Variants in DGKI observed in about 807,000 individuals in gnomAD.
DGKI encodes the protein DAG kinase iota.
In DGKI, 55 loss-of-function variants were observed where a neutral mutation model predicts 147.5. That is an observed-to-expected ratio of 0.37 (90% confidence interval 0.30 to 0.47). The LOEUF is 0.47. Ranked by LOEUF, DGKI falls within the 20% of genes least tolerant of loss-of-function variation. The pLI is 1.00. For missense variants in DGKI, 1,007 were observed against 1,323.8 expected (o/e 0.76, Z 3.71); for synonymous variants, 469 against 477.1 (o/e 0.98, Z 0.22).
chr7:137,460,991 A>C (rs1382231538), intron 27 of DGKI, among the ~76,000 whole-genome samples: 2 of 152,192 alleles, frequency 1.3e-5, no homozygotes, highest in Non-Finnish European at 2.9e-5. Flanking sequence ...TCTTTTAAAG[A>C]AAAAAATGCT....
chr7:137,475,219 A>G (rs1281580746), intron 23 of DGKI, among the ~76,000 whole-genome samples: 1 of 152,306 alleles, frequency 6.6e-6, no homozygotes, highest in East Asian at 1.9e-4. Flanking sequence ...TTTGGAGAAA[A>G]CAAAGAAATA....
At chr7:137,395,446 A>C in intron 32 of DGKI, 152 bp downstream of exon 32, 1 of 648,308 alleles carries the variant, frequency 1.5e-6, no homozygotes, top group Non-Finnish European at 2.7e-6. Context: ...CAGTTTCTCT[A>C]AATGAAGCAC....
At chr7:137,617,091 G>A (rs1288126341) in intron 8 of DGKI, among the ~76,000 whole-genome samples, 1 of 116,344 alleles carries the variant, frequency 8.6e-6, no homozygotes, top group African/African-American at 3.3e-5. Context: ...CTCTTCCTGT[G>A]ATGGCAATGT....
intron 2 of DGKI, among the ~76,000 whole-genome samples, chr7:137,687,155 C>T (rs1442011599): frequency 6.6e-6 from 1 of 152,134 alleles, no homozygotes; most frequent in Non-Finnish European, 1.5e-5. Flanking sequence ...CTCGTCGTCC[C>T]TGCTGGACCC....
At chr7:137,835,784 A>G (rs1010509469) in intron 1 of DGKI, among the ~76,000 whole-genome samples, 3 of 152,230 alleles carry the variant, frequency 2.0e-5, no homozygotes, top group African/African-American at 7.2e-5. Flanking sequence ...AGTAAGTAAA[A>G]TTAATGAGAG....
intron 1 of DGKI, among the ~76,000 whole-genome samples, chr7:137,804,979 A>G (rs937126495): frequency 6.6e-6 from 1 of 152,328 alleles, no homozygotes; most frequent in East Asian, 1.9e-4. Flanking sequence ...CAAAGAAAGT[A>G]AGTTAAGAGA....
chr7:137,737,710 T>A lies in DGKI; in HGVS notation c.402-47708A>T, dbSNP rs114816887. ...CATTAGCTGTCAGTTTTTAAGAAGC[T>A]AAGAATCAATGCCTCCCATATATTA... On this transcript the variant is annotated intron_variant, in intron 1 of 32. Transcript: ENST00000614521. Among the ~76,000 whole-genome samples, 646 of 152,260 alleles carry A rather than the reference T, an allele frequency of 4.2e-3. 7 individuals carry two copies. The highest frequency in any genetic ancestry group is 0.015 in the African/African-American group (619 of 41,560).
At chr7:137,430,546 A>G (rs1813026887) in intron 28 of DGKI, among the ~76,000 whole-genome samples, 1 of 151,972 alleles carries the variant, frequency 6.6e-6, no homozygotes, top group Non-Finnish European at 1.5e-5. Context: ...CTAAAACTTA[A>G]AGTATAATAA....
intron 20 of DGKI, among the ~76,000 whole-genome samples, chr7:137,542,485 T>C (rs775205955): frequency 6.6e-6 from 1 of 152,180 alleles, no homozygotes; most frequent in Non-Finnish European, 1.5e-5. Context: ...CTTAAAGGTG[T>C]AGTGTTCAGT....
At chr7:137,408,414 C>T (rs1812040953) in intron 29 of DGKI, among the ~76,000 whole-genome samples, 2 of 152,172 alleles carry the variant, frequency 1.3e-5, no homozygotes, top group Non-Finnish European at 2.9e-5. Context: ...TGTAGCTAAG[C>T]TTCTTGCCTG....
chr7:137,734,238 T>C (rs1794961737), intron 1 of DGKI, among the ~76,000 whole-genome samples: 1 of 152,046 alleles, frequency 6.6e-6, no homozygotes, highest in East Asian at 1.9e-4. Context: ...TGGGGGCCAG[T>C]AGCTAGAGTG....
chr7:137,757,958 C>G (rs1287162844), intron 1 of DGKI, among the ~76,000 whole-genome samples: 1 of 152,202 alleles, frequency 6.6e-6, no homozygotes, highest in South Asian at 2.1e-4. Flanking sequence ...CCTCTGCACC[C>G]TGGGGAAATC....
At chr7:137,611,883 T>C (rs1419536329) in intron 8 of DGKI, among the ~76,000 whole-genome samples, 1 of 152,180 alleles carries the variant, frequency 6.6e-6, no homozygotes, top group Non-Finnish European at 1.5e-5. Flanking sequence ...AAAGGATCCT[T>C]GGGAAGTGAA....
Position 137,537,425 on chromosome 7 carries a change from TC to T in DGKI, c.2147+14943del, listed in dbSNP as rs570432665. Among the ~76,000 whole-genome samples the T allele has an allele frequency of 2.7e-3, 404 of 152,140 alleles. 4 individuals are homozygous for T. The highest frequency in any genetic ancestry group is 9.4e-3 in the African/African-American group (390 of 41,494). On this transcript the variant is annotated intron_variant, in intron 20 of 32. Coordinates refer to ENST00000614521, the MANE Select transcript of DGKI (RefSeq NM_001321708.2). Reference sequence around the variant, plus strand: ...GCTTTTTTTCCCTTTTTAGAAGTACTCCCCATTCATGGAAATCCATCAGAAA... The same window carrying T: ...GCTTTTTTTCCCTTTTTAGAAGTACTCCCATTCATGGAAATCCATCAGAAA...
intron 28 of DGKI, among the ~76,000 whole-genome samples, chr7:137,437,147 T>C (rs1813317176): frequency 6.6e-6 from 1 of 152,188 alleles, no homozygotes; most frequent in African/African-American, 2.4e-5. Flanking sequence ...ACTGAAGGTT[T>C]TAACCAGTGC....
rs560559148 is a variant in DGKI at position 137,641,126 on chromosome 7, G to A, written c.804+4346C>T. 4.4e-4 allele frequency among the ~76,000 whole-genome samples: 67 copies of A among 152,224 alleles called. No homozygotes were observed. The South Asian group carries it at 4.6e-3, about 10-fold the overall frequency. On this transcript the variant is annotated intron_variant, in intron 6 of 32. Transcript: ENST00000614521. ...CATGAGCTATGATGGTTTTAAAAAT[G>A]GGAGTTTCCCTGCACAAGCTCTCTC...
At position 137,571,352 on chromosome 7, in the gene DGKI, T is replaced by TA. The variant is rs1818787857; in HGVS notation, c.1836-67dup. ...CCTTCTCATGACTATCATGAGGTGT[T>TA]AGTTTGTAGTTAGACCCAATGTTTA... On this transcript the variant is annotated intron_variant, in intron 18 of 32. Coordinates refer to ENST00000614521, the MANE Select transcript of DGKI (RefSeq NM_001321708.2). 2.4e-5 allele frequency: 27 copies of TA among 1,107,214 alleles called. No homozygotes were observed. In the South Asian group the frequency reaches 3.6e-4, roughly 15 times the overall value. The allele number at this position is 1,107,214 out of a possible 1,614,324, so 68.6% of individuals were successfully genotyped here. A position where few individuals can be genotyped will look rare whatever the true frequency, so the allele number is the denominator to read the frequency against.
intron 19 of DGKI, among the ~76,000 whole-genome samples, chr7:137,553,191 A>C (rs1181137186): frequency 6.6e-6 from 1 of 152,228 alleles, no homozygotes; most frequent in African/African-American, 2.4e-5. Flanking sequence ...TATTCTCATT[A>C]AATAACCAAT....
At chr7:137,415,811 C>T (rs1812337478) in intron 28 of DGKI, among the ~76,000 whole-genome samples, 1 of 152,072 alleles carries the variant, frequency 6.6e-6, no homozygotes, top group Non-Finnish European at 1.5e-5. Flanking sequence ...GAAACCCTGT[C>T]TCTACTAAAA....
Sources: allele counts gnomAD v4.1 joint callset (sites outside exome capture counted in the v4.1 genomes callset), GRCh38; gene constraint gnomAD v4.1.1; transcripts MANE v1.5; gene names NCBI Gene and HGNC (gene_info 2026-07-23, HGNC 2026-07-21).